Variants in CSMD1 observed in about 807,000 individuals in gnomAD.
The protein encoded by CSMD1 is CUB and sushi domain-containing protein 1.
Under a neutral mutation model 417.5 loss-of-function variants are expected in CSMD1, and 213 were observed. The observed-to-expected ratio is 0.51, with a 90% CI of 0.46 to 0.57. The LOEUF is 0.57. CSMD1 is among the 20% of genes least tolerant of loss of function. CSMD1 has a pLI of 0.00. For missense variants in CSMD1, 6,923 were observed against 4,529.7 expected (o/e 1.53, Z -15.17); for synonymous variants, 2,862 against 1,736.8 (o/e 1.65, Z -16.11).
At chr8:3,776,603 T>C (rs903955850) in intron 5 of CSMD1, among the ~76,000 whole-genome samples, 1 of 152,136 alleles carries the variant, frequency 6.6e-6, no homozygotes, top group Non-Finnish European at 1.5e-5. Flanking sequence ...TTGTTAAATC[T>C]CATTGACATT....
chr8:3,863,465 A>T (rs899781636), intron 5 of CSMD1, among the ~76,000 whole-genome samples: 1 of 151,664 alleles, frequency 6.6e-6, no homozygotes, highest in East Asian at 1.9e-4. Context: ...GTCTCTTCCC[A>T]ATGACCCCAT....
At chr8:4,711,520 C>A (rs181289795) in intron 1 of CSMD1, among the ~76,000 whole-genome samples, 1 of 150,990 alleles carries the variant, frequency 6.6e-6, no homozygotes, top group Non-Finnish European at 1.5e-5. Context: ...GGACATCTGT[C>A]CTGAAAAAAA....
At chr8:4,746,365 G>A (rs1309387229) in intron 1 of CSMD1, among the ~76,000 whole-genome samples, 1 of 152,310 alleles carries the variant, frequency 6.6e-6, no homozygotes, top group African/African-American at 2.4e-5. Context: ...ATGGTTTTAA[G>A]CGTTAGTCCT....
chr8:4,876,542 C>G (rs1561355), intron 1 of CSMD1, among the ~76,000 whole-genome samples: 131,123 of 152,072 alleles, frequency 0.86, 56,876 homozygotes, highest in East Asian at 0.96. Flanking sequence ...CAGCACATTT[C>G]AATGCTTTCT....
At chr8:3,687,863 A>G (rs1276058643) in intron 7 of CSMD1, among the ~76,000 whole-genome samples, 1 of 152,236 alleles carries the variant, frequency 6.6e-6, no homozygotes. Flanking sequence ...CCACTCAGTG[A>G]GGACCAGAGT....
At chr8:3,754,176 T>G in intron 5 of CSMD1, 134 bp from the exon 6 acceptor site, 2 of 525,734 alleles carry the variant, frequency 3.8e-6, no homozygotes, top group South Asian at 5.5e-5. Flanking sequence ...ATGTATTAAT[T>G]GACTTTGAAC....
intron 2 of CSMD1, among the ~76,000 whole-genome samples, chr8:4,474,967 A>AACT (rs1685296389): frequency 6.6e-6 from 1 of 152,226 alleles, no homozygotes; most frequent in Non-Finnish European, 1.5e-5. Context: ...ATTCCTGGTC[A>AACT]ACTACAGGCT....
intron 49 of CSMD1, among the ~76,000 whole-genome samples, chr8:3,058,037 C>T (rs1027802519): frequency 1.3e-5 from 2 of 152,166 alleles, no homozygotes; most frequent in Non-Finnish European, 2.9e-5. Context: ...TTAGTTTTCT[C>T]TGGGTTCTTC....
chr8:3,366,361 T>C (rs1371600867), intron 20 of CSMD1, among the ~76,000 whole-genome samples: 5 of 148,724 alleles, frequency 3.4e-5, no homozygotes, highest in Admixed American at 6.8e-5. Context: ...AGTTTTTAAG[T>C]GGCGGCAATT....
chr8:3,610,948 A>T (rs1225354030), intron 8 of CSMD1, among the ~76,000 whole-genome samples: 1 of 151,998 alleles, frequency 6.6e-6, no homozygotes, highest in Non-Finnish European at 1.5e-5. Context: ...GTCAAGCAAC[A>T]GCACCAGGCA....
rs978699406 is a variant in CSMD1 at position 3,289,659 on chromosome 8, T to A, written c.3951-5313A>T. On this transcript the variant is annotated intron_variant, in intron 25 of 69. Coordinates refer to ENST00000635120, the MANE Select transcript of CSMD1 (RefSeq NM_033225.6). ...GTGTCTGTTCATATCCTTTGCCCACTTTTTGATGGGGTTGTTTGTTTTTTT... is the reference window on the plus strand; with the variant it reads ...GTGTCTGTTCATATCCTTTGCCCACATTTTGATGGGGTTGTTTGTTTTTTT... Among the ~76,000 whole-genome samples, 59 of 142,298 alleles carry A rather than the reference T, an allele frequency of 4.1e-4. 1 individual carries two copies. The highest frequency in any genetic ancestry group is 7.5e-4 in the Non-Finnish European group (51 of 67,614). 93.4% of individuals were successfully genotyped at this position (142,298 alleles called of 152,430 possible). A position where few individuals can be genotyped will look rare whatever the true frequency, so the allele number is the denominator to read the frequency against.
chr8:3,425,997 G>A (rs1283190186), intron 12 of CSMD1, among the ~76,000 whole-genome samples: 2 of 152,008 alleles, frequency 1.3e-5, no homozygotes, highest in African/African-American at 4.8e-5. Context: ...AAAAAGCTGG[G>A]TCTATGTAGA....
chr8:3,461,864 C>T (rs79330700), intron 12 of CSMD1, among the ~76,000 whole-genome samples: 5,186 of 152,288 alleles, frequency 0.034, 163 homozygotes, highest in East Asian at 0.15. Context: ...GACCGAGGCC[C>T]TGTGAGGACT....
At chr8:3,864,367 G>C (rs922033458) in intron 5 of CSMD1, among the ~76,000 whole-genome samples, 4 of 150,996 alleles carry the variant, frequency 2.6e-5, no homozygotes, top group African/African-American at 4.9e-5. Context: ...AGAAGGGGCA[G>C]GTATATACAT....
At chr8:3,953,888 C>A (rs1265379042) in intron 5 of CSMD1, among the ~76,000 whole-genome samples, 3 of 152,172 alleles carry the variant, frequency 2.0e-5, no homozygotes, top group African/African-American at 4.8e-5. Context: ...CTGTGCAGGC[C>A]CCAGGACTGT....
chr8:4,905,771 G>C (rs1297332408), intron 1 of CSMD1, among the ~76,000 whole-genome samples: 2 of 135,548 alleles, frequency 1.5e-5, no homozygotes, highest in African/African-American at 2.8e-5. Flanking sequence ...AGTGAGCCGA[G>C]ATTGTGCCAC....
intron 2 of CSMD1, among the ~76,000 whole-genome samples, chr8:4,530,965 T>C (rs904169492): frequency 1.3e-5 from 2 of 152,052 alleles, no homozygotes; most frequent in East Asian, 3.9e-4. Context: ...ATCTGAGCCA[T>C]ACCCTCCGGC....
chr8:4,403,166 A>C (rs779582989), intron 3 of CSMD1, among the ~76,000 whole-genome samples: 3 of 152,124 alleles, frequency 2.0e-5, no homozygotes, highest in Admixed American at 6.6e-5. Flanking sequence ...CCACTTTTAC[A>C]TAAGACATTA....
rs1202224581 is a variant in CSMD1, at chr8:3,494,554, T to TGATAGATAGGTAGGCA, written c.1345-829_1345-828insTGCCTACCTATCTATC. The stretch of plus-strand genomic sequence containing the variant: ...GATTAGCAGATACAGACAGATTAGA[T>TGATAGATAGGTAGGCA]GATAGATAGATAGATAGATAGATAG... On this transcript the variant is annotated intron_variant, in intron 10 of 69. Transcript: ENST00000635120. 7.1e-3 allele frequency among the ~76,000 whole-genome samples: 1,035 copies of TGATAGATAGGTAGGCA among 145,734 alleles called. 12 individuals are homozygous for TGATAGATAGGTAGGCA. The highest frequency in any genetic ancestry group is 0.018 in the Middle Eastern group (5 of 282).
Sources: allele counts gnomAD v4.1 joint callset (sites outside exome capture counted in the v4.1 genomes callset), GRCh38; gene constraint gnomAD v4.1.1; transcripts MANE v1.5; gene names NCBI Gene and HGNC (gene_info 2026-07-23, HGNC 2026-07-21).